The following GLT1D1 variants were observed in gnomAD, a reference collection of about 807,000 sequenced individuals.
GLT1D1 encodes glycosyltransferase 1 domain containing 1.
Under a neutral mutation model 28.7 loss-of-function variants are expected in GLT1D1, and 21 were observed. That is an observed-to-expected ratio of 0.73 (90% CI 0.52 to 1.05). The LOEUF is 1.05. Ranked by LOEUF, GLT1D1 falls within the 50% of genes least tolerant of loss-of-function variation. The pLI is 0.00. For missense variants in GLT1D1, 343 were observed against 330.6 expected (o/e 1.04, Z -0.29); for synonymous variants, 147 against 124.8 (o/e 1.18, Z -1.19).
At chr12:128,939,349 G>T (rs780136962) in intron 4 of GLT1D1, among the ~76,000 whole-genome samples, 3 of 151,264 alleles carry the variant, frequency 2.0e-5, no homozygotes, top group Non-Finnish European at 1.5e-5. Context: ...ATCACTTAAG[G>T]TCAGGAGTTC....
intron 3 of GLT1D1, among the ~76,000 whole-genome samples, chr12:128,896,370 T>C (rs1489467149): frequency 1.3e-5 from 2 of 152,008 alleles, no homozygotes; most frequent in Admixed American, 6.6e-5. Flanking sequence ...CTAAAAAAAA[T>C]GGCTGTCCCA....
At chr12:128,913,614 G>T (rs1446108615) in intron 4 of GLT1D1, among the ~76,000 whole-genome samples, 2 of 152,216 alleles carry the variant, frequency 1.3e-5, no homozygotes, top group African/African-American at 4.8e-5. Context: ...CCCAAGCTCA[G>T]GTTAGAACGA....
intron 7 of GLT1D1, among the ~76,000 whole-genome samples, chr12:128,966,821 A>G (rs1040714824): frequency 1.3e-5 from 2 of 152,158 alleles, no homozygotes; most frequent in African/African-American, 2.4e-5. Context: ...ACGATTAAAC[A>G]TATTCAGCCC....
At chr12:128,906,385 A>G (rs1163413498) in intron 4 of GLT1D1, among the ~76,000 whole-genome samples, 2 of 152,188 alleles carry the variant, frequency 1.3e-5, no homozygotes, top group East Asian at 1.9e-4. Context: ...ACCAAGAAGA[A>G]AAAAACACCC....
At chr12:128,867,320 C>A (rs1956559371) in intron 1 of GLT1D1, among the ~76,000 whole-genome samples, 1 of 149,014 alleles carries the variant, frequency 6.7e-6, no homozygotes, top group Admixed American at 6.7e-5. Context: ...ATGCTTGAAC[C>A]CGGGAGGCAG....
intron 6 of GLT1D1, among the ~76,000 whole-genome samples, chr12:128,954,520 G>T (rs1877076308): frequency 6.6e-6 from 1 of 152,152 alleles, no homozygotes; most frequent in Admixed American, 6.5e-5. Context: ...TGGGTGTGGA[G>T]TGCGTTCTCA....
intron 2 of GLT1D1, among the ~76,000 whole-genome samples, chr12:128,883,068 G>C (rs895876920): frequency 1.3e-5 from 2 of 151,008 alleles, no homozygotes; most frequent in East Asian, 2.0e-4. Flanking sequence ...CTGGGATTAC[G>C]AGCACGCGCC....
At chr12:128,859,526 C>A (rs1956306909) in intron 1 of GLT1D1, among the ~76,000 whole-genome samples, 1 of 152,136 alleles carries the variant, frequency 6.6e-6, no homozygotes. Context: ...CACTCCACAC[C>A]CTGTAGTGCA....
chr12:128,945,382 G>A lies in GLT1D1; in HGVS notation c.419+13G>A, dbSNP rs370883678. On this transcript the variant is annotated intron_variant, in intron 5 of 7. Transcript: ENST00000281703. ...CCAAAGTGAAAAGGTAAGAGTTGGT[G>A]GAGACCAGTCATTTTGCAGAACGGG... 55 of 1,610,414 alleles carry A rather than the reference G, an allele frequency of 3.4e-5. No homozygotes were observed. The African/African-American group carries it at 6.4e-4, about 19-fold the overall frequency.
At chr12:128,888,554 A>G in intron 2 of GLT1D1, 85 bp from the exon 3 acceptor site, 1 of 841,324 alleles carries the variant, frequency 1.2e-6, no homozygotes, top group Non-Finnish European at 1.9e-6. Context: ...TGGGAACTTC[A>G]GTGTTTAAGA....
chr12:128,926,193 CAATAATAAT>C (rs34967915), intron 4 of GLT1D1, among the ~76,000 whole-genome samples, 157 bp from the exon 7 acceptor site: 2,035 of 132,938 alleles, frequency 0.015, 16 homozygotes, highest in Non-Finnish European at 0.019. Context: ...GACTCTGTCT[CAATAATAAT>C]AATAATAATA....
chr12:128,904,688 C>T (rs190254852), intron 4 of GLT1D1, among the ~76,000 whole-genome samples: 22 of 143,626 alleles, frequency 1.5e-4, no homozygotes, highest in Admixed American at 2.8e-4. Flanking sequence ...TGCTGGAGTG[C>T]AGTAGTGCGA....
chr12:128,940,177 C>T (rs776793938), intron 4 of GLT1D1, among the ~76,000 whole-genome samples: 1 of 151,914 alleles, frequency 6.6e-6, no homozygotes, highest in Admixed American at 6.6e-5. Context: ...TAGCTCTCAT[C>T]GTTATTTTCT....
chr12:128,979,743 ACT>A lies in GLT1D1; in HGVS notation c.640-3183_640-3182del, dbSNP rs575792226. Reference sequence around the variant, plus strand: ...ACTCCAGCCTGGGTAACACTGCGAGACTCTGTCTCAAAAAAAAAAAGATGAGA... The same window carrying A: ...ACTCCAGCCTGGGTAACACTGCGAGACTGTCTCAAAAAAAAAAAGATGAGA... On this transcript the variant is annotated intron_variant, in intron 7 of 7. Coordinates refer to ENST00000281703, the MANE Select transcript of GLT1D1 (RefSeq NM_144669.3). 1.3e-4 allele frequency among the ~76,000 whole-genome samples: 19 copies of A among 144,956 alleles called. No individual in the cohort carries two copies. The East Asian group carries it at 2.0e-3, about 15-fold the overall frequency.
At chr12:128,903,247 G>A (rs929007099) in intron 4 of GLT1D1, among the ~76,000 whole-genome samples, 1 of 151,630 alleles carries the variant, frequency 6.6e-6, no homozygotes, top group African/African-American at 2.4e-5. Context: ...TCACTTCCAT[G>A]CCTGGACCTT....
intron 4 of GLT1D1, among the ~76,000 whole-genome samples, chr12:128,903,033 AAAAG>A (rs1870464822): frequency 6.6e-6 from 1 of 151,466 alleles, no homozygotes; most frequent in African/African-American, 2.4e-5. Flanking sequence ...AAAAAAAAAA[AAAAG>A]AAAGAAATAT....
intron 4 of GLT1D1, among the ~76,000 whole-genome samples, chr12:128,905,430 C>T (rs979808302): frequency 3.3e-5 from 5 of 152,262 alleles, no homozygotes; most frequent in Admixed American, 1.3e-4. Flanking sequence ...GACACATGAA[C>T]GGACATGTGC....
chr12:128,854,393 CCG>C (rs1956156771), intron 1 of GLT1D1, among the ~76,000 whole-genome samples: 1 of 108,852 alleles, frequency 9.2e-6, no homozygotes, highest in Non-Finnish European at 1.8e-5. Context: ...TTAACAGAAG[CCG>C]TGTGTGTGTG....
rs187349413 is a variant in GLT1D1 at position 128,981,008 on chromosome 12, C to T, written c.640-1921C>T. Among the ~76,000 whole-genome samples, 392 of 152,288 alleles carry T rather than the reference C, an allele frequency of 2.6e-3. 4 individuals are homozygous for T. The highest frequency in any genetic ancestry group is 9.0e-3 in the African/African-American group (373 of 41,546). On this transcript the variant is annotated intron_variant, in intron 7 of 7. Transcript: ENST00000281703. ...TACAGGCGCGTGTCCAGCAGATTCC[C>T]GATGCAGCCACACAGGAGCTTTTAG...
Sources: allele counts gnomAD v4.1 joint callset (sites outside exome capture counted in the v4.1 genomes callset), GRCh38; gene constraint gnomAD v4.1.1; transcripts MANE v1.5; gene names NCBI Gene and HGNC (gene_info 2026-07-23, HGNC 2026-07-21).